EXTL3: variants seen among roughly 807,000 people sequenced by gnomAD.
The protein encoded by EXTL3 is exostosin-like 3.
EXTL3 carries 27 observed loss-of-function variants against 69.3 expected under a neutral mutation model. The observed-to-expected ratio is 0.39, with a 90% CI of 0.29 to 0.54. The LOEUF (loss-of-function observed/expected upper bound fraction) is 0.54, where lower values mean the gene tolerates loss of function less well. EXTL3 is among the 20% of genes least tolerant of loss of function. The pLI is 0.69. For missense variants in EXTL3, 1,003 were observed against 1,231.8 expected (o/e 0.81, Z 2.78); for synonymous variants, 511 against 499.4 (o/e 1.02, Z -0.31).
chr8:28,745,324 T>A (rs1405671265), intron 6 of EXTL3, among the ~76,000 whole-genome samples: 3 of 152,242 alleles, frequency 2.0e-5, no homozygotes, highest in Non-Finnish European at 4.4e-5. Flanking sequence ...TCACTCCTGA[T>A]TGTCCCAGGG....
chr8:28,716,038 G>T lies in EXTL3; in HGVS notation c.-22G>T, dbSNP rs369526592. The T allele has an allele frequency of 1.9e-6, 3 of 1,584,932 alleles. No individual in the cohort carries two copies. Among genetic ancestry groups the T allele is most frequent in the Non-Finnish European group, 1.7e-6 (2 of 1,166,404 alleles). On this transcript the variant is annotated 5_prime_UTR_variant, in exon 3 of 7. Coordinates refer to ENST00000220562, the MANE Select transcript of EXTL3 (RefSeq NM_001440.4). This position sits in a 1 kb window ranked among gnomAD's most constrained non-coding sequence, Gnocchi z 7.1. ...ATGGCGAGTGACCCGACGTGATCTG[G>T]GGGGCAGGCTGCAGAGGACTCATGA...
intron 1 of EXTL3, among the ~76,000 whole-genome samples, chr8:28,641,761 G>A (rs1041941749): frequency 6.6e-6 from 1 of 151,984 alleles, no homozygotes; most frequent in Non-Finnish European, 1.5e-5. Context: ...CAAAGTACTG[G>A]GATTACAGGT....
chr8:28,674,434 C>A (rs1472209710), intron 1 of EXTL3, among the ~76,000 whole-genome samples: 3 of 152,178 alleles, frequency 2.0e-5, no homozygotes, highest in Non-Finnish European at 4.4e-5. Flanking sequence ...GGTTGGAACC[C>A]TAATGTCATG....
chr8:28,666,502 A>G (rs1043798993), intron 1 of EXTL3, among the ~76,000 whole-genome samples: 34 of 151,594 alleles, frequency 2.2e-4, no homozygotes, highest in African/African-American at 6.1e-4. Context: ...CCTGGACTTA[A>G]GCAATCCTCC....
chr8:28,635,715 CCACACACA>C (rs146671194), intron 1 of EXTL3, among the ~76,000 whole-genome samples: 15 of 142,814 alleles, frequency 1.1e-4, no homozygotes, highest in Admixed American at 4.3e-4. Context: ...CCCCACAACT[CCACACACA>C]CACACACACA....
chr8:28,621,235 T>TGA (rs1695590939), upstream of EXTL3, among the ~76,000 whole-genome samples: 1 of 152,158 alleles, frequency 6.6e-6, no homozygotes, highest in Non-Finnish European at 1.5e-5. Context: ...TTAGTTAAGA[T>TGA]GAGGGCATGC....
At chr8:28,710,185 G>A (rs192520562) in intron 1 of EXTL3, among the ~76,000 whole-genome samples, 21 of 152,280 alleles carry the variant, frequency 1.4e-4, no homozygotes, top group African/African-American at 3.9e-4. Flanking sequence ...GCCATTGAAC[G>A]TCTGAGGTGT....
chr8:28,738,306 G>A (rs1037160546), intron 5 of EXTL3, among the ~76,000 whole-genome samples: 1 of 152,150 alleles, frequency 6.6e-6, no homozygotes, highest in African/African-American at 2.4e-5. Flanking sequence ...TGCATGACTG[G>A]TCAGAATGGA....
At position 28,731,362 on chromosome 8, in the gene EXTL3, A is replaced by G. The variant is rs140748894; in HGVS notation, c.2276+12A>G. 5 of 1,614,190 alleles carry G rather than the reference A, an allele frequency of 3.1e-6. No homozygotes were observed. In the African/African-American group the frequency reaches 6.7e-5, roughly 22 times the overall value. On this transcript the variant is annotated intron_variant, in intron 4 of 6. Coordinates refer to ENST00000220562, the MANE Select transcript of EXTL3 (RefSeq NM_001440.4). ...ATGTTTGGGTTCCGGTGAGAGACTA[A>G]TTTCCAATCAAAACTTTAGGTTGCA...
At chr8:28,669,565 G>A (rs1807252820) in intron 1 of EXTL3, among the ~76,000 whole-genome samples, 1 of 152,182 alleles carries the variant, frequency 6.6e-6, no homozygotes, top group African/African-American at 2.4e-5. Context: ...CAAACTAAGG[G>A]GGAAATGGAG....
chr8:28,713,244 C>T (rs1801067506), intron 1 of EXTL3, among the ~76,000 whole-genome samples: 1 of 152,166 alleles, frequency 6.6e-6, no homozygotes. Context: ...CCCGTGTATA[C>T]CTCTTGTCCC....
intron 3 of EXTL3, among the ~76,000 whole-genome samples, chr8:28,721,018 G>C (rs143864464): frequency 5.3e-5 from 8 of 152,292 alleles, no homozygotes; most frequent in Non-Finnish European, 1.0e-4. Flanking sequence ...TATATCAGTG[G>C]TTTTCAAATT....
intron 1 of EXTL3, among the ~76,000 whole-genome samples, chr8:28,660,812 AAATAGCCC>A (rs1807096513): frequency 6.9e-6 from 1 of 145,530 alleles, no homozygotes; most frequent in Non-Finnish European, 1.5e-5. Flanking sequence ...CATGCTAAGG[AAATAGCCC>A]TCTATTCCGA....
chr8:28,750,873 C>T lies in EXTL3; in HGVS notation c.*7C>T, dbSNP rs370880130. The T allele has an allele frequency of 3.1e-6, 5 of 1,612,470 alleles. No homozygotes were observed. The highest frequency in any genetic ancestry group is 2.2e-5 in the East Asian group (1 of 44,870). On this transcript the variant is annotated 3_prime_UTR_variant, in exon 7 of 7. Coordinates refer to ENST00000220562, the MANE Select transcript of EXTL3 (RefSeq NM_001440.4). This position sits in a 1 kb window ranked among gnomAD's most constrained non-coding sequence, Gnocchi z 5.2. The stretch of plus-strand genomic sequence containing the variant: ...GTGCTTCAAGTTCATCTAGGGGCAG[C>T]GCACGGTCTGGGGAAGAGGATGAGC...
chr8:28,685,476 A>G (rs1399949531), intron 1 of EXTL3, among the ~76,000 whole-genome samples: 1 of 151,110 alleles, frequency 6.6e-6, no homozygotes, highest in Non-Finnish European at 1.5e-5. Context: ...CATTTTTAAA[A>G]CATAGGCTAG....
chr8:28,671,112 T>C (rs1563442774), intron 1 of EXTL3, among the ~76,000 whole-genome samples: 1 of 151,552 alleles, frequency 6.6e-6, no homozygotes, highest in African/African-American at 2.4e-5. Flanking sequence ...TCGCCAGTAG[T>C]TGGGATTACA....
chr8:28,665,264 G>A (rs1241576965), intron 1 of EXTL3, among the ~76,000 whole-genome samples: 3 of 150,982 alleles, frequency 2.0e-5, no homozygotes, highest in Non-Finnish European at 3.0e-5. Flanking sequence ...TAGTAGAGAC[G>A]GGGTTTTGCC....
intron 3 of EXTL3, among the ~76,000 whole-genome samples, chr8:28,729,427 T>A (rs1801485949): frequency 6.7e-6 from 1 of 149,880 alleles, no homozygotes; most frequent in Admixed American, 6.7e-5. Context: ...AAACCCCGTC[T>A]CTACTAAAAA....
chr8:28,670,002 A>T (rs1205009902), intron 1 of EXTL3, among the ~76,000 whole-genome samples: 1 of 152,090 alleles, frequency 6.6e-6, no homozygotes, highest in East Asian at 1.9e-4. Context: ...TGAGCCCAGG[A>T]GTTTGAGAGC....
Sources: allele counts gnomAD v4.1 joint callset (sites outside exome capture counted in the v4.1 genomes callset), GRCh38; gene constraint gnomAD v4.1.1; non-coding constraint Gnocchi (gnomAD v3.1); transcripts MANE v1.5; gene names NCBI Gene and HGNC (gene_info 2026-07-23, HGNC 2026-07-21).